Variants in CADM2 observed in about 807,000 individuals in gnomAD.
CADM2 encodes the protein cell adhesion molecule 2, also known as immunoglobulin superfamily member 4D.
A neutral mutation model predicts 49.8 loss-of-function variants in CADM2; 12 were observed. The ratio of observed to expected loss-of-function variants is 0.24; its 90% CI spans 0.15 to 0.39. The LOEUF (loss-of-function observed/expected upper bound fraction) is 0.39, where lower values mean the gene tolerates loss of function less well. Ranked by LOEUF, CADM2 falls within the 10% of genes least tolerant of loss-of-function variation. CADM2 has a pLI of 1.00. For synonymous variants in CADM2, 214 were observed against 175.4 expected (o/e 1.22, Z -1.74); for missense variants, 378 against 492.3 (o/e 0.77, Z 2.20).
At chr3:85,982,231 T>C (rs1727564670) in intron 8 of CADM2, among the ~76,000 whole-genome samples, 1 of 151,694 alleles carries the variant, frequency 6.6e-6, no homozygotes, top group Admixed American at 6.6e-5. Context: ...ATTCACTTTT[T>C]TTCAGGTTTC....
chr3:85,747,434 T>C (rs2068661444), intron 2 of CADM2, among the ~76,000 whole-genome samples: 1 of 152,114 alleles, frequency 6.6e-6, no homozygotes, highest in Non-Finnish European at 1.5e-5. Flanking sequence ...AAATAAATTG[T>C]CTGCCCTCCA....
chr3:85,677,880 G>A (rs991158128), intron 1 of CADM2, among the ~76,000 whole-genome samples: 1 of 152,144 alleles, frequency 6.6e-6, no homozygotes, highest in African/African-American at 2.4e-5. Context: ...ATACATGACT[G>A]TTCTTACAGC....
At chr3:85,873,721 C>A (rs1242340381) in intron 3 of CADM2, among the ~76,000 whole-genome samples, 1 of 151,982 alleles carries the variant, frequency 6.6e-6, no homozygotes, top group Non-Finnish European at 1.5e-5. Flanking sequence ...TCTTCAAATT[C>A]TATATAGTAA....
chr3:85,725,542 T>A (rs2067665229), intron 1 of CADM2, among the ~76,000 whole-genome samples: 1 of 151,984 alleles, frequency 6.6e-6, no homozygotes, highest in Non-Finnish European at 1.5e-5. Context: ...CAATAGTAAG[T>A]CAAAGTAGAC....
rs568449903 is a variant in CADM2, at chr3:84,984,078, C to T, written c.61+24410C>T. On this transcript the variant is annotated intron_variant, in intron 1 of 9. Transcript: ENST00000383699. ...ACACACACACACACACACACACACA[C>T]ACTTATTTTAAAAGGCACAAACAAG... Among the ~76,000 whole-genome samples, 7 of 148,756 alleles carry T rather than the reference C, an allele frequency of 4.7e-5. No individual in the cohort carries two copies. The East Asian group carries it at 1.4e-3, about 29-fold the overall frequency.
chr3:85,040,636 A>G (rs1193443071), intron 1 of CADM2, among the ~76,000 whole-genome samples: 1 of 152,140 alleles, frequency 6.6e-6, no homozygotes, highest in Non-Finnish European at 1.5e-5. Context: ...CAGATTACCC[A>G]TGGTTGGAAT....
chr3:85,239,008 C>CT (rs1339036986), intron 1 of CADM2, among the ~76,000 whole-genome samples: 2 of 151,494 alleles, frequency 1.3e-5, no homozygotes, highest in East Asian at 3.9e-4. Context: ...GTGTTATATG[C>CT]TTTTTTATTA....
chr3:85,937,616 A>G (rs945366969), intron 7 of CADM2, among the ~76,000 whole-genome samples: 7 of 151,880 alleles, frequency 4.6e-5, no homozygotes, highest in African/African-American at 1.7e-4. Flanking sequence ...TTGAAAAACT[A>G]GAATAGGACT....
chr3:85,274,934 C>T (rs961374956), intron 1 of CADM2, among the ~76,000 whole-genome samples: 1 of 151,136 alleles, frequency 6.6e-6, no homozygotes, highest in African/African-American at 2.4e-5. Context: ...GCTGTGTGTA[C>T]ACGAGAGTCA....
chr3:86,017,164 G>GTA (rs1732366899), intron 8 of CADM2, among the ~76,000 whole-genome samples: 2 of 105,884 alleles, frequency 1.9e-5, no homozygotes, highest in Admixed American at 1.8e-4. Context: ...GTGTGTGTGT[G>GTA]TGTGTATATA....
intron 1 of CADM2, among the ~76,000 whole-genome samples, chr3:85,445,915 T>C (rs1419270728): frequency 6.6e-6 from 1 of 152,172 alleles, no homozygotes; most frequent in African/African-American, 2.4e-5. Flanking sequence ...TTATACTTTA[T>C]TAGACTGTAT....
intron 1 of CADM2, among the ~76,000 whole-genome samples, chr3:85,360,018 T>C (rs1242256159): frequency 6.6e-6 from 1 of 151,830 alleles, no homozygotes; most frequent in Admixed American, 6.6e-5. Context: ...ATAATAATGA[T>C]ACAATATATA....
At chr3:85,795,837 C>T (rs186963021) in intron 2 of CADM2, among the ~76,000 whole-genome samples, 4 of 152,234 alleles carry the variant, frequency 2.6e-5, no homozygotes, top group African/African-American at 9.6e-5. Context: ...GTCTAATTTA[C>T]ATTTAAACAA....
intron 2 of CADM2, among the ~76,000 whole-genome samples, chr3:85,726,935 A>G (rs2067722081): frequency 6.6e-6 from 1 of 152,138 alleles, no homozygotes; most frequent in African/African-American, 2.4e-5. Context: ...TTATAGAATT[A>G]TGTGAAAATA....
intron 1 of CADM2, among the ~76,000 whole-genome samples, chr3:85,648,584 G>T (rs1166329529): frequency 6.6e-6 from 1 of 151,946 alleles, no homozygotes; most frequent in Non-Finnish European, 1.5e-5. Context: ...CATTTATTAT[G>T]TGGGGCATAT....
chr3:85,805,035 G>A (rs1379938161), intron 3 of CADM2, among the ~76,000 whole-genome samples: 4 of 151,898 alleles, frequency 2.6e-5, no homozygotes, highest in South Asian at 2.1e-4. Flanking sequence ...CCGCTTCCTC[G>A]GCTCCAGCAA....
intron 1 of CADM2, among the ~76,000 whole-genome samples, chr3:85,041,914 A>C (rs1482320866): frequency 6.6e-6 from 1 of 152,192 alleles, no homozygotes; most frequent in African/African-American, 2.4e-5. Flanking sequence ...GACAGTTGTC[A>C]CTTTGCTTAT....
intron 2 of CADM2, among the ~76,000 whole-genome samples, chr3:85,732,239 C>T (rs1017621617): frequency 1.8e-4 from 27 of 150,924 alleles, no homozygotes; most frequent in African/African-American, 6.1e-4. Context: ...CCAGCCTGGG[C>T]GACAGAGGGA....
chr3:85,626,042 TGTTTTAGTAA>T (rs1182807731), intron 1 of CADM2, among the ~76,000 whole-genome samples: 3 of 152,038 alleles, frequency 2.0e-5, no homozygotes, highest in Non-Finnish European at 4.4e-5. Flanking sequence ...CATATTATTC[TGTTTTAGTAA>T]GAATTAATAT....
Sources: allele counts gnomAD v4.1 joint callset (sites outside exome capture counted in the v4.1 genomes callset), GRCh38; gene constraint gnomAD v4.1.1; transcripts MANE v1.5; gene names NCBI Gene and HGNC (gene_info 2026-07-23, HGNC 2026-07-21).